Variants in TFF3 observed in about 807,000 individuals in gnomAD.
TFF3 encodes trefoil factor 3.
A neutral mutation model predicts 9.7 loss-of-function variants in TFF3; 6 were observed. The observed-to-expected ratio is 0.62, with a 90% CI of 0.34 to 1.22. The LOEUF (loss-of-function observed/expected upper bound fraction) is 1.22. Among genes scored for constraint, TFF3 ranks in the 50% most tolerant of loss-of-function variants. The pLI, the probability that TFF3 is intolerant of heterozygous loss-of-function variation, is 0.04. For missense variants in TFF3, 93 were observed against 98.6 expected (o/e 0.94, Z 0.24); for synonymous variants, 48 against 41.4 (o/e 1.16, Z -0.61).
intron 2 of TFF3, 116 bp from the exon 3 acceptor site, chr21:42,312,385 A>T: frequency 6.2e-6 from 8 of 1,285,156 alleles, no homozygotes; most frequent in Non-Finnish European, 8.6e-6. Context: ...CCCCAGAGTC[A>T]CCGGGGAGTG....
Position 42,312,089 on chromosome 21 carries a change from A to G in TFF3, c.*167T>C, listed in dbSNP as rs759540205. 9.1e-6 allele frequency: 8 copies of G among 883,214 alleles called. No individual in the cohort carries two copies. In the African/African-American group the frequency reaches 1.1e-4, roughly 13 times the overall value. 54.7% of individuals were successfully genotyped at this position (883,214 alleles called of 1,614,324 possible). ...GAACTGTCCTCGGGTGGAGCATGGG[A>G]CCTTTATTCGTTAAGACATCAGGCT... is the stretch of plus-strand genomic sequence containing the variant. On this transcript the variant is annotated 3_prime_UTR_variant, in exon 3 of 3. Coordinates refer to ENST00000518498, the MANE Select transcript of TFF3 (RefSeq NM_003226.4).
intron 2 of TFF3, 148 bp from the exon 3 acceptor site, chr21:42,312,417 G>A (rs1226980238): frequency 8.7e-6 from 8 of 914,976 alleles, no homozygotes; most frequent in African/African-American, 6.6e-5. Flanking sequence ...CCACATGGGG[G>A]AATAGCCAAG....
rs1378834559 is a variant in TFF3, at chr21:42,312,208, G to C, written c.*48C>G. 1 of 1,613,708 alleles carries C rather than the reference G, an allele frequency of 6.2e-7. No homozygotes were observed. The highest frequency in any genetic ancestry group is 1.1e-5 in the South Asian group (1 of 91,078). On this transcript the variant is annotated 3_prime_UTR_variant, in exon 3 of 3. Coordinates refer to ENST00000518498, the MANE Select transcript of TFF3 (RefSeq NM_003226.4). ...CCTGGCAGCAATCACAGCCGGGCAA[G>C]GGTGCTCCGAGCCTCGCATCCCCCG...
Position 42,311,880 on chromosome 21 carries a change from G to A in TFF3, c.*376C>T, listed in dbSNP as rs942926154. The A allele has an allele frequency of 1.4e-5, 6 of 442,192 alleles. No individual in the cohort carries two copies. The highest frequency in any genetic ancestry group is 1.2e-4 in the African/African-American group (6 of 49,406). The allele number at this position is 442,192 out of a possible 1,614,324, so 27.4% of individuals were successfully genotyped here. On this transcript the variant is annotated 3_prime_UTR_variant, in exon 3 of 3. Transcript: ENST00000518498. ...TTCCCGAGGAAGCGGCACTTACAGTGTTCCTAGGCTTTCCTGTGACGTGGG... is the reference window on the plus strand; with the variant it reads ...TTCCCGAGGAAGCGGCACTTACAGTATTCCTAGGCTTTCCTGTGACGTGGG...
Position 42,311,699 on chromosome 21 carries a change from G to C in TFF3, c.*557C>G, listed in dbSNP as rs1466328554. ...TTGTTCATAATGTTTACTGTACAAA[G>C]AAACAAAACCCAGGAATAGTACAAG... On this transcript the variant is annotated 3_prime_UTR_variant, in exon 3 of 3. Coordinates refer to ENST00000518498, the MANE Select transcript of TFF3 (RefSeq NM_003226.4). The C allele has an allele frequency of 5.8e-6, 1 of 172,284 alleles. No individual in the cohort carries two copies. Among genetic ancestry groups the C allele is most frequent in the Non-Finnish European group, 1.3e-5 (1 of 79,502 alleles). The allele number at this position is 172,284 out of a possible 1,614,324, so 10.7% of individuals were successfully genotyped here. A position where few individuals can be genotyped will look rare whatever the true frequency, so the allele number is the denominator to read the frequency against.
chr21:42,313,865 T>C lies in TFF3; in HGVS notation c.83-234A>G, dbSNP rs1271970865. On this transcript the variant is annotated intron_variant, in intron 1 of 2. Transcript: ENST00000518498. The surrounding 1 kb of genome is among the most constrained non-coding windows in gnomAD (Gnocchi z 4.0). ...GCCATTTGCCTAAGTGTCTTTCTCC[T>C]TGGCACGCTCTTATCACCTTCTCGG... Among the ~76,000 whole-genome samples the C allele has an allele frequency of 6.6e-6, 1 of 152,150 alleles. No homozygotes were observed. Among genetic ancestry groups the C allele is most frequent in the African/African-American group, 2.4e-5 (1 of 41,428 alleles).
In TFF3 at chr21:42,312,052, C is replaced by A; in HGVS notation, c.*204G>T. ...GAAATAAAGCACAACCTCAGAAAGT[C>A]TCAGGCACGAAGAACTGTCCTCGGG... On this transcript the variant is annotated 3_prime_UTR_variant, in exon 3 of 3. Transcript: ENST00000518498. The A allele has an allele frequency of 1.3e-6, 1 of 744,120 alleles. No individual in the cohort carries two copies. Among genetic ancestry groups the A allele is most frequent in the Non-Finnish European group, 2.4e-6 (1 of 411,846 alleles). 46.1% of individuals were successfully genotyped at this position (744,120 alleles called of 1,614,324 possible).
chr21:42,315,354 G>A lies in TFF3; in HGVS notation c.21C>T (p.Cys7=). Residue 7 remains cysteine, a synonymous_variant, in exon 1 of 3, where the codon TGC becomes TGT. Transcript: ENST00000518498. ...GCAAGGCCAGGACCAGCCCCAGCAT[G>A]CAGAGCGCTCTGGCAGCCATGACCA... MAARAL[C]MLGLVLALLS... 4.3e-6 allele frequency: 7 copies of A among 1,614,198 alleles called. No individual in the cohort carries two copies. Among genetic ancestry groups the A allele is most frequent in the Non-Finnish European group, 5.9e-6 (7 of 1,180,022 alleles).
At position 42,315,335 on chromosome 21, in the gene TFF3, C is replaced by T. The variant is rs1270928562; in HGVS notation, c.40G>A (p.Ala14Thr). Residue 14 changes from alanine to threonine, a missense_variant, in exon 1 of 3, where the codon GCC becomes ACC. Ala to Thr is a moderately conservative substitution (Grantham distance 58). Coordinates refer to ENST00000518498, the MANE Select transcript of TFF3 (RefSeq NM_003226.4). The part of the protein sequence containing the change: ...RALCMLGLVL[A>T]LLSSSSAEEY... The stretch of plus-strand genomic sequence containing the variant: ...TCAGCAGAGCTGGAGGACAGCAAGG[C>T]CAGGACCAGCCCCAGCATGCAGAGC... 6.2e-7 allele frequency: 1 copy of T among 1,614,010 alleles called. No homozygotes were observed. Among genetic ancestry groups the T allele is most frequent in the African/African-American group, 1.3e-5 (1 of 74,938 alleles).
chr21:42,315,286 T>C lies in TFF3; in HGVS notation c.82+7A>G, dbSNP rs889173141. The C allele has an allele frequency of 1.9e-6, 3 of 1,612,428 alleles. No individual in the cohort carries two copies. Among genetic ancestry groups the C allele is most frequent in the Non-Finnish European group, 2.5e-6 (3 of 1,179,568 alleles). ...CCTGCCACCGGGGCAGTCAGGGCAG[T>C]ACTCACACAGGCCCACGTACTCCTC... On this transcript the variant is annotated splice_region_variant and intron_variant, in intron 1 of 2. Coordinates refer to ENST00000518498, the MANE Select transcript of TFF3 (RefSeq NM_003226.4).
intron 1 of TFF3, 65 bp downstream of exon 1, chr21:42,315,228 C>T: frequency 1.9e-6 from 3 of 1,560,832 alleles, no homozygotes; most frequent in Non-Finnish European, 1.7e-6. Flanking sequence ...GCAGAATCCC[C>T]CCTTATCCTG....
At chr21:42,312,402 C>T in intron 2 of TFF3, 133 bp from the exon 3 acceptor site, 3 of 1,065,528 alleles carry the variant, frequency 2.8e-6, no homozygotes, top group African/African-American at 1.6e-5. Flanking sequence ...AGTGTTGAGT[C>T]CCCACCACAT....
rs201794134 is a variant in TFF3, at chr21:42,315,382, G to A, written c.-8C>T. On this transcript the variant is annotated 5_prime_UTR_variant, in exon 1 of 3. It adds an upstream start codon to the 5' untranslated region. Transcript: ENST00000518498. ...GAGCGCTCTGGCAGCCATGACCACC[G>A]TGGGCTCCGGGACGCAGCTCAGGAC... 231 of 1,614,150 alleles carry A rather than the reference G, an allele frequency of 1.4e-4. 2 individuals are homozygous for A. The highest frequency in any genetic ancestry group is 3.8e-5 in the Non-Finnish European group (45 of 1,179,992).
Position 42,315,186 on chromosome 21 carries a change from T to C in TFF3, c.82+107A>G, listed in dbSNP as rs2069351563. ...CAAAGGGCTAGCGCAGGAAAAAGTG[T>C]ATATGTGACAGGTGGCCATTATTAA... On this transcript the variant is annotated intron_variant, in intron 1 of 2. Coordinates refer to ENST00000518498, the MANE Select transcript of TFF3 (RefSeq NM_003226.4). 3.6e-6 allele frequency: 5 copies of C among 1,406,554 alleles called. No individual in the cohort carries two copies. The South Asian group carries it at 7.1e-5, about 20-fold the overall frequency. 87.1% of individuals were successfully genotyped at this position (1,406,554 alleles called of 1,614,324 possible).
At chr21:42,315,229 C>T (rs909048898) in intron 1 of TFF3, 64 bp downstream of exon 1, 46 of 1,562,706 alleles carry the variant, frequency 2.9e-5, no homozygotes, top group Non-Finnish European at 3.9e-5. Context: ...CAGAATCCCC[C>T]CTTATCCTGG....
chr21:42,313,648 C>T lies in TFF3; in HGVS notation c.83-17G>A. On this transcript the variant is annotated splice_polypyrimidine_tract_variant and intron_variant, in intron 1 of 2. Coordinates refer to ENST00000518498, the MANE Select transcript of TFF3 (RefSeq NM_003226.4). The surrounding 1 kb of genome is among the most constrained non-coding windows in gnomAD (Gnocchi z 4.0). ...GGTTTGCAGCTGTCCCAGACAAAGC[C>T]CTGTCAGCTGCCAGAGCCCTTGCTG... is the stretch of plus-strand genomic sequence containing the variant. 6.3e-7 allele frequency: 1 copy of T among 1,599,878 alleles called. No individual in the cohort carries two copies.
At chr21:42,312,312 C>T (rs1336973015) in intron 2 of TFF3, 43 bp from the exon 3 acceptor site, 1 of 1,559,140 alleles carries the variant, frequency 6.4e-7, no homozygotes, top group Admixed American at 1.9e-5. Context: ...CTCTCTCCAC[C>T]CACGCTGCCC....
Position 42,311,797 on chromosome 21 carries a change from TCAC to T in TFF3, c.*456_*458del, listed in dbSNP as rs2146376336. 1 of 300,748 alleles carries T rather than the reference TCAC, an allele frequency of 3.3e-6. No individual in the cohort carries two copies. Among genetic ancestry groups the T allele is most frequent in the Non-Finnish European group, 6.4e-6 (1 of 156,756 alleles). 18.6% of individuals were successfully genotyped at this position (300,748 alleles called of 1,614,324 possible). A position where few individuals can be genotyped will look rare whatever the true frequency, so the allele number is the denominator to read the frequency against. On this transcript the variant is annotated 3_prime_UTR_variant, in exon 3 of 3. Coordinates refer to ENST00000518498, the MANE Select transcript of TFF3 (RefSeq NM_003226.4). ...AGACAGTTTTATTGGCTTGCTGTCT[TCAC>T]CAAGAAAGACTTGTGATTTTTGAAA...
Position 42,311,998 on chromosome 21 carries a change from A to C in TFF3, c.*258T>G. ...AGGCCTGGGCAGACTCTCCCCTGAC[A>C]CCCTCCCGCCCTCTCCCACGACGCA... On this transcript the variant is annotated 3_prime_UTR_variant, in exon 3 of 3. Coordinates refer to ENST00000518498, the MANE Select transcript of TFF3 (RefSeq NM_003226.4). The C allele has an allele frequency of 1.5e-6, 1 of 668,904 alleles. No homozygotes were observed. The highest frequency in any genetic ancestry group is 2.7e-6 in the Non-Finnish European group (1 of 363,976). 41.4% of individuals were successfully genotyped at this position (668,904 alleles called of 1,614,324 possible).
Sources: allele counts gnomAD v4.1 joint callset (sites outside exome capture counted in the v4.1 genomes callset), GRCh38; gene constraint gnomAD v4.1.1; non-coding constraint Gnocchi (gnomAD v3.1); transcripts MANE v1.5; gene names NCBI Gene and HGNC (gene_info 2026-07-23, HGNC 2026-07-21).